Variants in CNOT6 observed in about 807,000 individuals in gnomAD.
CNOT6 encodes the protein carbon catabolite repression 4 protein.
In CNOT6, 12 loss-of-function variants were observed where a neutral mutation model predicts 61.2. The ratio of observed to expected loss-of-function variants is 0.20; its 90% CI spans 0.13 to 0.32. CNOT6 has a LOEUF of 0.32. CNOT6 is among the 10% of genes least tolerant of loss of function. The pLI, the probability that CNOT6 is intolerant of heterozygous loss-of-function variation, is 1.00. For synonymous variants in CNOT6, 225 were observed against 240.6 expected, an observed-to-expected ratio of 0.94 and a Z score of 0.60; for missense variants, 405 against 663.9, an observed-to-expected ratio of 0.61 and a Z score of 4.28.
chr5:180,515,268 GAA>G (rs1757582883), intron 1 of CNOT6, among the ~76,000 whole-genome samples: 1 of 150,300 alleles, frequency 6.7e-6, no homozygotes, highest in Non-Finnish European at 1.5e-5. Flanking sequence ...AAAAAAAAAA[GAA>G]AGAAAAAAAC....
At chr5:180,525,203 C>G (rs147645435) in intron 1 of CNOT6, among the ~76,000 whole-genome samples, 1 of 152,256 alleles carries the variant, frequency 6.6e-6, no homozygotes, top group East Asian at 1.9e-4. Flanking sequence ...TTACTTACTT[C>G]CTTCTGTGCT....
chr5:180,552,600 C>G (rs990701071), intron 3 of CNOT6, among the ~76,000 whole-genome samples: 5 of 150,578 alleles, frequency 3.3e-5, no homozygotes, highest in African/African-American at 7.3e-5. Flanking sequence ...GAGCCGAGAT[C>G]GCATCACTGC....
intron 4 of CNOT6, among the ~76,000 whole-genome samples, chr5:180,556,084 A>C (rs976319754): frequency 1.3e-5 from 2 of 152,190 alleles, no homozygotes; most frequent in African/African-American, 4.8e-5. Context: ...ACTCCCTCCA[A>C]TAGTAGCATC....
At position 180,494,597 on chromosome 5, in the gene CNOT6, C is replaced by G. The variant is rs1411669195; in HGVS notation, c.-169C>G. The G allele has an allele frequency of 7.1e-5, 11 of 154,760 alleles. No individual in the cohort carries two copies. The allele number at this position is 154,760 out of a possible 1,614,324, so 9.6% of individuals were successfully genotyped here. On this transcript the variant is annotated 5_prime_UTR_variant, in exon 1 of 12. Transcript: ENST00000261951. ...GAGGCGGGCAGCCGAAGCAGTGGCT[C>G]TCGGAGGGGGAACAAAGAGCAGCGA...
chr5:180,508,204 A>T (rs1282749148), intron 1 of CNOT6, among the ~76,000 whole-genome samples: 2 of 152,170 alleles, frequency 1.3e-5, no homozygotes, highest in Non-Finnish European at 2.9e-5. Flanking sequence ...GAGACTGGAT[A>T]TGAAGACTGT....
chr5:180,518,730 A>G (rs1757755595), intron 1 of CNOT6, among the ~76,000 whole-genome samples: 3 of 151,868 alleles, frequency 2.0e-5, no homozygotes, highest in African/African-American at 7.3e-5. Flanking sequence ...CGAACTTCTG[A>G]GCTTGAGCAG....
chr5:180,549,019 CCTA>C (rs1222165436), intron 2 of CNOT6, among the ~76,000 whole-genome samples: 2 of 152,096 alleles, frequency 1.3e-5, no homozygotes, highest in Non-Finnish European at 2.9e-5. Flanking sequence ...GAATCTTATG[CCTA>C]CTACTATTTG....
At chr5:180,550,151 A>G in intron 3 of CNOT6, 34 bp downstream of exon 3, 1 of 1,567,522 alleles carries the variant, frequency 6.4e-7, no homozygotes. Flanking sequence ...TACTAGCTAT[A>G]TGACCCCTAA....
intron 1 of CNOT6, among the ~76,000 whole-genome samples, chr5:180,514,189 C>T (rs540607213): frequency 8.2e-4 from 124 of 151,658 alleles, no homozygotes; most frequent in Non-Finnish European, 1.4e-3. Flanking sequence ...TTTGGGAGGC[C>T]GAGGCGGGTG....
intron 1 of CNOT6, among the ~76,000 whole-genome samples, chr5:180,522,714 T>C (rs972673807): frequency 2.0e-5 from 3 of 152,166 alleles, no homozygotes; most frequent in Admixed American, 6.6e-5. Context: ...AGTGGTGTTA[T>C]CTCTGCTCAC....
intron 11 of CNOT6, among the ~76,000 whole-genome samples, chr5:180,572,551 G>C (rs1760803523): frequency 6.6e-6 from 1 of 151,810 alleles, no homozygotes; most frequent in African/African-American, 2.4e-5. Flanking sequence ...GTGTTCAACT[G>C]TCCTTTTTCT....
chr5:180,561,356 T>TTGTG (rs35909953), intron 4 of CNOT6, among the ~76,000 whole-genome samples: 29,956 of 144,604 alleles, frequency 0.21, 3,081 homozygotes, highest in Middle Eastern at 0.27. Flanking sequence ...CTTGTGTGTT[T>TTGTG]TGTGTGTGTG....
chr5:180,564,900 C>T (rs1390116090), intron 6 of CNOT6, among the ~76,000 whole-genome samples, 157 bp downstream of exon 6: 1 of 152,190 alleles, frequency 6.6e-6, no homozygotes, highest in Non-Finnish European at 1.5e-5. Context: ...CTCACATGAC[C>T]TCTATGTATA....
intron 1 of CNOT6, among the ~76,000 whole-genome samples, chr5:180,501,721 C>G (rs1756878060): frequency 6.6e-6 from 1 of 152,128 alleles, no homozygotes; most frequent in South Asian, 2.1e-4. Context: ...TAAGGGAACC[C>G]TAAGGAACAG....
At chr5:180,558,038 A>G (rs779191790) in intron 4 of CNOT6, among the ~76,000 whole-genome samples, 1 of 152,090 alleles carries the variant, frequency 6.6e-6, no homozygotes, top group Non-Finnish European at 1.5e-5. Context: ...CTGTTTCTGG[A>G]TTTTTTATTC....
chr5:180,517,606 C>T (rs1168461031), intron 1 of CNOT6, among the ~76,000 whole-genome samples: 1 of 151,472 alleles, frequency 6.6e-6, no homozygotes, highest in Non-Finnish European at 1.5e-5. Context: ...TGCAGTGGCG[C>T]GATCTTGGCT....
chr5:180,518,539 G>A (rs1408746751), intron 1 of CNOT6, among the ~76,000 whole-genome samples: 1 of 152,076 alleles, frequency 6.6e-6, no homozygotes, highest in Non-Finnish European at 1.5e-5. Context: ...GGAAGGGAGA[G>A]ACAAGGTCTC....
intron 10 of CNOT6, among the ~76,000 whole-genome samples, chr5:180,570,914 C>A (rs897950677): frequency 2.6e-5 from 4 of 152,266 alleles, no homozygotes; most frequent in Admixed American, 1.3e-4. Context: ...ATCTTTAATT[C>A]TTTGTAAAAA....
chr5:180,533,335 T>G (rs1052602574), intron 2 of CNOT6, among the ~76,000 whole-genome samples: 2 of 84,342 alleles, frequency 2.4e-5, no homozygotes, highest in African/African-American at 3.6e-5. Context: ...TATATATATA[T>G]ATATATATCA....
Sources: gnomAD v4.1 joint callset for allele counts (sites outside exome capture counted in the v4.1 genomes callset) on GRCh38, gnomAD v4.1.1 for gene constraint, MANE v1.5 for transcripts, NCBI Gene and HGNC (gene_info 2026-07-23, HGNC 2026-07-21) for gene names.